BCL2L13: variants seen among roughly 807,000 people sequenced by gnomAD.
BCL2L13 encodes the protein BCL2 like 13, also known as bcl-2-like protein 13.
In BCL2L13, 13 loss-of-function variants were observed where a neutral mutation model predicts 25.8. That is an observed-to-expected ratio of 0.50 (90% CI 0.33 to 0.80). The LOEUF (loss-of-function observed/expected upper bound fraction) is 0.80. Among genes scored for constraint, BCL2L13 ranks in the 30% least tolerant of loss-of-function variants. The pLI is 0.02. For missense variants in BCL2L13, 504 were observed against 574.9 expected (o/e 0.88, Z 1.26); for synonymous variants, 244 against 230.3 (o/e 1.06, Z -0.54).
chr22:17,631,377 G>A (rs1394863234), intron 1 of BCL2L13, among the ~76,000 whole-genome samples: 3 of 151,880 alleles, frequency 2.0e-5, no homozygotes, highest in Non-Finnish European at 4.4e-5. Flanking sequence ...GATGACAGGT[G>A]TGAGCCACCA....
chr22:17,694,902 A>C (rs2060217858), intron 4 of BCL2L13, among the ~76,000 whole-genome samples: 1 of 152,204 alleles, frequency 6.6e-6, no homozygotes, highest in African/African-American at 2.4e-5. Context: ...TCTGAGTTCA[A>C]ATCCCAGCCA....
At chr22:17,629,157 A>G (rs2057950536) in intron 1 of BCL2L13, among the ~76,000 whole-genome samples, 1 of 152,028 alleles carries the variant, frequency 6.6e-6, no homozygotes, top group Non-Finnish European at 1.5e-5. Context: ...CTTGACCTCA[A>G]GTTCGAGACC....
chr22:17,638,307 T>G, upstream of BCL2L13: 2 of 176,672 alleles, frequency 1.1e-5, no homozygotes, highest in Non-Finnish European at 2.4e-5. Flanking sequence ...CCCGCTATAT[T>G]CCCTCCCCGG....
Position 17,729,463 on chromosome 22 carries a change from G to A in BCL2L13, c.*1929G>A, listed in dbSNP as rs1044789166. The A allele has an allele frequency of 1.6e-4, 24 of 152,184 alleles. No individual in the cohort carries two copies. Among genetic ancestry groups the A allele is most frequent in the African/African-American group, 5.8e-4 (24 of 41,434 alleles). 9.4% of individuals were successfully genotyped at this position (152,184 alleles called of 1,614,324 possible). A position where few individuals can be genotyped will look rare whatever the true frequency, so the allele number is the denominator to read the frequency against. On this transcript the variant is annotated 3_prime_UTR_variant, in exon 7 of 7. Transcript: ENST00000317582. ...AATTGCTATATTTGTGTTTGCATAG[G>A]TGAAGAGCAAACTGGTGCGTTATCT... is the stretch of plus-strand genomic sequence containing the variant.
chr22:17,657,886 G>A (rs1391587276), intron 2 of BCL2L13, among the ~76,000 whole-genome samples: 11 of 122,278 alleles, frequency 9.0e-5, no homozygotes, highest in Non-Finnish European at 1.6e-4. Flanking sequence ...GTTCAATGGC[G>A]ATCTTGGCTC....
chr22:17,646,609 AC>A (rs1304288455), intron 1 of BCL2L13, among the ~76,000 whole-genome samples: 1 of 151,026 alleles, frequency 6.6e-6, no homozygotes, highest in Non-Finnish European at 1.5e-5. Flanking sequence ...GATACCAAGA[AC>A]ACTTGTACTA....
rs2061318283 is a variant in BCL2L13, at chr22:17,727,057, G to A, written c.981G>A (p.Val327=). The change falls in exon 7 of 7, where the codon GTG becomes GTA. Residue 327 remains valine (V), a synonymous_variant. Transcript: ENST00000317582. ...EGMEEAAVAS[V]VLPARELQEA... is the part of the protein sequence containing the mutation. ...TGGAAGAGGCTGCTGTGGCTTCTGT[G>A]GTCTTGCCAGCGCGGGAGCTGCAAG... The A allele has an allele frequency of 1.1e-5, 17 of 1,614,074 alleles. No homozygotes were observed. The highest frequency in any genetic ancestry group is 1.7e-5 in the Admixed American group (1 of 60,010).
rs370701152 is a variant in BCL2L13, at chr22:17,670,373, CT to C, written c.122-12823del. 3.0e-3 allele frequency among the ~76,000 whole-genome samples: 388 copies of C among 128,874 alleles called. 1 individual carries two copies. The highest frequency in any genetic ancestry group is 8.1e-3 in the Middle Eastern group (2 of 248). The allele number at this position is 128,874 out of a possible 152,430, so 84.5% of individuals were successfully genotyped here. A position where few individuals can be genotyped will look rare whatever the true frequency, so the allele number is the denominator to read the frequency against. ...GGGGAGTCCTGCTATCTCAAATCAG[CT>C]TTTTTTTTTTTTTTTTTAAGACAGA... On this transcript the variant is annotated intron_variant, in intron 2 of 6. Coordinates refer to ENST00000317582, the MANE Select transcript of BCL2L13 (RefSeq NM_015367.4).
Position 17,729,738 on chromosome 22 carries a change from A to G in BCL2L13, c.*2204A>G, listed in dbSNP as rs144096061. The G allele has an allele frequency of 1.3e-5, 2 of 152,356 alleles. No homozygotes were observed. Among genetic ancestry groups the G allele is most frequent in the Non-Finnish European group, 2.9e-5 (2 of 68,038 alleles). 9.4% of individuals were successfully genotyped at this position (152,356 alleles called of 1,614,324 possible). A position where few individuals can be genotyped will look rare whatever the true frequency, so the allele number is the denominator to read the frequency against. ...TTTCCCACCTGTTAGACATTCCTCCACAGTGATTTGGCCAGTTGTATTTCA... is the reference window on the plus strand; with the variant it reads ...TTTCCCACCTGTTAGACATTCCTCCGCAGTGATTTGGCCAGTTGTATTTCA... On this transcript the variant is annotated 3_prime_UTR_variant, in exon 7 of 7. Transcript: ENST00000317582.
chr22:17,722,867 A>G (rs2061185876), intron 6 of BCL2L13, among the ~76,000 whole-genome samples: 1 of 152,178 alleles, frequency 6.6e-6, no homozygotes, highest in African/African-American at 2.4e-5. Flanking sequence ...ATTTCTTTCA[A>G]TAATACTTTG....
intron 6 of BCL2L13, among the ~76,000 whole-genome samples, chr22:17,726,282 C>T (rs985108075): frequency 4.0e-5 from 6 of 149,684 alleles, no homozygotes; most frequent in African/African-American, 4.9e-5. Flanking sequence ...ACCTGGGACG[C>T]GGAGGTTGCA....
At chr22:17,672,524 C>CA (rs376638096) in intron 2 of BCL2L13, among the ~76,000 whole-genome samples, 8 of 152,268 alleles carry the variant, frequency 5.3e-5, no homozygotes, top group African/African-American at 1.9e-4. Flanking sequence ...GGTTTATAGT[C>CA]CAGAATTTAT....
At position 17,631,692 on chromosome 22, in the gene BCL2L13, ATATATATATATATATTTTTTTTTTTTT is replaced by A. The variant is rs1568903819; in HGVS notation, c.-650+2689_-650+2715del. ...TGTGTATATATATATATATATATAT[ATATATATATATATATTTTTTTTTTTTT>A]TTTTTTTTTTTTTTTTTTTGAGATG... On this transcript the variant is annotated intron_variant, in intron 1 of 6. Coordinates refer to the BCL2L13 transcript ENST00000399782. Among the ~76,000 whole-genome samples the A allele has an allele frequency of 1.9e-3, 108 of 57,566 alleles. 3 individuals are homozygous for A. Among genetic ancestry groups the A allele is most frequent in the Middle Eastern group, 9.1e-3 (1 of 110 alleles). The allele number at this position is 57,566 out of a possible 152,430, so 37.8% of individuals were successfully genotyped here. A position where few individuals can be genotyped will look rare whatever the true frequency, so the allele number is the denominator to read the frequency against.
chr22:17,681,572 G>T (rs1265690867), intron 2 of BCL2L13, among the ~76,000 whole-genome samples: 1 of 151,940 alleles, frequency 6.6e-6, no homozygotes, highest in East Asian at 1.9e-4. Flanking sequence ...TCCTGAGAGG[G>T]TCCATGAATG....
intron 6 of BCL2L13, among the ~76,000 whole-genome samples, chr22:17,717,612 C>A (rs1273975089): frequency 2.0e-5 from 3 of 152,094 alleles, no homozygotes; most frequent in African/African-American, 7.2e-5. Context: ...ATTTTAAACT[C>A]TTTGAAGGTA....
chr22:17,668,283 G>T (rs1490263045), intron 2 of BCL2L13, among the ~76,000 whole-genome samples: 4 of 151,674 alleles, frequency 2.6e-5, no homozygotes, highest in Non-Finnish European at 5.9e-5. Flanking sequence ...AAAGTGCTGG[G>T]ATTACAGGCG....
chr22:17,656,239 CA>C (rs71201857), intron 2 of BCL2L13, among the ~76,000 whole-genome samples: 51 of 134,452 alleles, frequency 3.8e-4, no homozygotes, highest in African/African-American at 5.3e-4. Flanking sequence ...GACTCCATCT[CA>C]AAAAAAAAAA....
chr22:17,670,565 G>T (rs2059385057), intron 2 of BCL2L13, among the ~76,000 whole-genome samples: 1 of 151,720 alleles, frequency 6.6e-6, no homozygotes, highest in Non-Finnish European at 1.5e-5. Flanking sequence ...GTAGAGATGG[G>T]GTTTCTCCAT....
At chr22:17,656,335 C>CTTTTTTTTTTTTTTTTTTTTTTTT (rs890631679) in intron 2 of BCL2L13, among the ~76,000 whole-genome samples, 1 of 57,882 alleles carries the variant, frequency 1.7e-5, no homozygotes, top group Non-Finnish European at 2.7e-5. Flanking sequence ...TCATTTTATT[C>CTTTTTTTTTTTTTTTTTTTTTTTT]TTTTTTTTTT....
Sources: gnomAD v4.1 joint callset for allele counts (sites outside exome capture counted in the v4.1 genomes callset) on GRCh38, gnomAD v4.1.1 for gene constraint, MANE v1.5 for transcripts, NCBI Gene and HGNC (gene_info 2026-07-23, HGNC 2026-07-21) for gene names.